The following TAFA1 variants were observed in gnomAD, a reference collection of about 807,000 sequenced individuals.
The protein encoded by TAFA1 is TAFA chemokine like family member 1, also known as chemokine-like protein TAFA-1.
A neutral mutation model predicts 18.5 loss-of-function variants in TAFA1; 4 were observed. The ratio of observed to expected loss-of-function variants is 0.22; its 90% CI spans 0.11 to 0.49. The LOEUF (loss-of-function observed/expected upper bound fraction) is 0.49. Ranked by LOEUF, TAFA1 falls within the 20% of genes least tolerant of loss-of-function variation. The pLI, the probability that TAFA1 is intolerant of heterozygous loss-of-function variation, is 0.98. For synonymous variants in TAFA1, 56 were observed against 55.2 expected (o/e 1.01, Z -0.06); for missense variants, 147 against 169.0 (o/e 0.87, Z 0.72).
Position 68,202,945 on chromosome 3 carries a change from C to T in TAFA1, c.118+196201C>T, listed in dbSNP as rs567411457. On this transcript the variant is annotated intron_variant, in intron 2 of 4. Coordinates refer to ENST00000478136, the MANE Select transcript of TAFA1 (RefSeq NM_213609.4). ...ATCTTTTTAAATAGAGTTTCTGACCCATATTTCTTCTCTCTAAAGAACTTT... is the reference window on the plus strand; with the variant it reads ...ATCTTTTTAAATAGAGTTTCTGACCTATATTTCTTCTCTCTAAAGAACTTT... 2.0e-4 allele frequency among the ~76,000 whole-genome samples: 30 copies of T among 151,684 alleles called. 1 individual carries two copies. In the South Asian group the frequency reaches 4.4e-3, roughly 22 times the overall value.
At chr3:68,438,948 C>T (rs548749088) in intron 3 of TAFA1, among the ~76,000 whole-genome samples, 4 of 152,196 alleles carry the variant, frequency 2.6e-5, no homozygotes, top group East Asian at 3.9e-4. Context: ...GAGTGTCAGG[C>T]CTGTCCCCTG....
At chr3:68,042,124 A>G (rs1008761577) in intron 2 of TAFA1, among the ~76,000 whole-genome samples, 1 of 152,164 alleles carries the variant, frequency 6.6e-6, no homozygotes, top group Admixed American at 6.6e-5. Flanking sequence ...TCCATTCTTC[A>G]TAGACTCCTC....
intron 3 of TAFA1, among the ~76,000 whole-genome samples, chr3:68,485,196 T>G (rs1413303557): frequency 2.0e-5 from 3 of 152,054 alleles, no homozygotes; most frequent in Non-Finnish European, 4.4e-5. Flanking sequence ...AAATCTCTCT[T>G]GGTGGTCAAC....
At chr3:68,291,729 A>T (rs2068113411) in intron 2 of TAFA1, among the ~76,000 whole-genome samples, 1 of 152,198 alleles carries the variant, frequency 6.6e-6, no homozygotes, top group South Asian at 2.1e-4. Context: ...AAAAATTTTC[A>T]AAGTATTTTG....
the TAFA1 span, among the ~76,000 whole-genome samples, chr3:67,996,908 T>G: frequency 6.6e-6 from 1 of 151,976 alleles, no homozygotes; most frequent in African/African-American, 2.4e-5. Context: ...GGAGAGACAA[T>G]AATAGAGAAA....
chr3:68,225,707 G>A (rs2066790411), intron 2 of TAFA1, among the ~76,000 whole-genome samples: 1 of 152,088 alleles, frequency 6.6e-6, no homozygotes, highest in Admixed American at 6.5e-5. Flanking sequence ...AAAACGTCAG[G>A]CAAGGTATTT....
intron 3 of TAFA1, among the ~76,000 whole-genome samples, chr3:68,455,183 C>G (rs573290111): frequency 1.7e-4 from 26 of 152,070 alleles, no homozygotes; most frequent in East Asian, 1.4e-3. Context: ...TCTTCATTCT[C>G]CTCATCTTCA....
chr3:68,464,698 A>G (rs1474817888), intron 3 of TAFA1, among the ~76,000 whole-genome samples: 4 of 152,150 alleles, frequency 2.6e-5, no homozygotes, highest in African/African-American at 4.8e-5. Flanking sequence ...TAGTGACATT[A>G]TATGATTTGT....
chr3:68,050,489 A>G (rs2064455810), intron 2 of TAFA1, among the ~76,000 whole-genome samples: 1 of 152,144 alleles, frequency 6.6e-6, no homozygotes, highest in Admixed American at 6.6e-5. Flanking sequence ...ATGGCACGTA[A>G]TGATACTTCA....
the TAFA1 span, among the ~76,000 whole-genome samples, chr3:67,999,209 C>A: frequency 1.3e-5 from 2 of 151,780 alleles, no homozygotes; most frequent in Non-Finnish European, 1.5e-5. Flanking sequence ...TAGAGAACAT[C>A]TTCCACACTG....
At chr3:68,059,478 C>T (rs1297289268) in intron 2 of TAFA1, among the ~76,000 whole-genome samples, 2 of 152,130 alleles carry the variant, frequency 1.3e-5, no homozygotes, top group African/African-American at 4.8e-5. Context: ...TATATTCTAC[C>T]TACTAATAAG....
At chr3:68,076,363 T>C (rs1336732366) in intron 2 of TAFA1, among the ~76,000 whole-genome samples, 1 of 151,972 alleles carries the variant, frequency 6.6e-6, no homozygotes, top group Non-Finnish European at 1.5e-5. Flanking sequence ...TTGTGCAGGT[T>C]AGTTACATAT....
Position 68,193,103 on chromosome 3 carries a change from G to T in TAFA1, c.118+186359G>T, listed in dbSNP as rs570095802. Among the ~76,000 whole-genome samples, 5 of 151,812 alleles carry T rather than the reference G, an allele frequency of 3.3e-5. No individual in the cohort carries two copies. In the South Asian group the frequency reaches 1.0e-3, roughly 32 times the overall value. Reference sequence around the variant, plus strand: ...AATCACTGAAGTGTTTTAAGTATGAGGAATTAGTCACAGTACCTGCCTCTT... The same window carrying T: ...AATCACTGAAGTGTTTTAAGTATGATGAATTAGTCACAGTACCTGCCTCTT... On this transcript the variant is annotated intron_variant, in intron 2 of 4. Coordinates refer to ENST00000478136, the MANE Select transcript of TAFA1 (RefSeq NM_213609.4).
At chr3:68,126,633 T>C (rs1312905329) in intron 2 of TAFA1, among the ~76,000 whole-genome samples, 2 of 152,218 alleles carry the variant, frequency 1.3e-5, no homozygotes, top group African/African-American at 4.8e-5. Flanking sequence ...TAGATGAGGG[T>C]GAACTATTTG....
At chr3:68,435,252 C>A (rs1308576483) in intron 3 of TAFA1, among the ~76,000 whole-genome samples, 1 of 152,056 alleles carries the variant, frequency 6.6e-6, no homozygotes, top group African/African-American at 2.4e-5. Context: ...CAAGAAGGAT[C>A]CTAATGAATC....
chr3:68,222,768 G>T (rs200567136), intron 2 of TAFA1, among the ~76,000 whole-genome samples: 3 of 151,886 alleles, frequency 2.0e-5, no homozygotes, highest in East Asian at 3.9e-4. Flanking sequence ...TGGCTCACAG[G>T]TTCAAGCGAT....
intron 2 of TAFA1, among the ~76,000 whole-genome samples, chr3:68,273,186 T>G (rs945893636): frequency 2.6e-5 from 4 of 152,116 alleles, no homozygotes; most frequent in African/African-American, 9.7e-5. Flanking sequence ...GTAAAAGCCT[T>G]CAACCATGTG....
chr3:68,541,867 C>T (rs899157710), intron 4 of TAFA1, among the ~76,000 whole-genome samples: 7 of 152,050 alleles, frequency 4.6e-5, no homozygotes, highest in South Asian at 2.1e-4. Context: ...AAATTCTCTT[C>T]GAAATGTGGT....
chr3:68,263,336 T>C (rs565185037), intron 2 of TAFA1, among the ~76,000 whole-genome samples: 1 of 152,028 alleles, frequency 6.6e-6, no homozygotes, highest in African/African-American at 2.4e-5. Context: ...AGTCTCATCC[T>C]TATATTTTGT....
Sources: allele counts gnomAD v4.1 joint callset (sites outside exome capture counted in the v4.1 genomes callset), GRCh38; gene constraint gnomAD v4.1.1; transcripts MANE v1.5; gene names NCBI Gene and HGNC (gene_info 2026-07-23, HGNC 2026-07-21).